Variants in TMEM200A observed in about 807,000 individuals in gnomAD.
The protein encoded by TMEM200A is transmembrane protein 200A.
TMEM200A carries 12 observed loss-of-function variants against 24.3 expected under a neutral mutation model. That is an observed-to-expected ratio of 0.49 (90% confidence interval 0.32 to 0.80). The LOEUF (loss-of-function observed/expected upper bound fraction) is 0.80. Among genes scored for constraint, TMEM200A ranks in the 30% least tolerant of loss-of-function variants. The pLI is 0.04. For synonymous variants in TMEM200A, 224 were observed against 224.4 expected (o/e 1.00, Z 0.02); for missense variants, 545 against 614.4 (o/e 0.89, Z 1.19).
chr6:130,369,090 G>A (rs1265656822), intron 1 of TMEM200A, among the ~76,000 whole-genome samples: 1 of 152,192 alleles, frequency 6.6e-6, no homozygotes, highest in Non-Finnish European at 1.5e-5. Flanking sequence ...AAATGGCAAA[G>A]AGAAGTAAAA....
rs1459049217 is a variant in TMEM200A at position 130,427,308 on chromosome 6, TCTAA to T, written c.-16-13095_-16-13092del. 5.3e-5 allele frequency among the ~76,000 whole-genome samples: 8 copies of T among 152,328 alleles called. No homozygotes were observed. The East Asian group carries it at 9.6e-4, about 18-fold the overall frequency. The stretch of plus-strand genomic sequence containing the variant: ...TCTGTATGTTTGCCATGAACAGAAT[TCTAA>T]CTATTTCTGCTCTAGAAACTCAGAA... On this transcript the variant is annotated intron_variant, in intron 2 of 2. Coordinates refer to ENST00000296978, the MANE Select transcript of TMEM200A (RefSeq NM_001258277.2).
At chr6:130,385,677 T>C (rs1778695188) in intron 2 of TMEM200A, among the ~76,000 whole-genome samples, 1 of 152,194 alleles carries the variant, frequency 6.6e-6, no homozygotes, top group Non-Finnish European at 1.5e-5. Flanking sequence ...ACATTTGTTC[T>C]GCTTGGAATA....
chr6:130,367,642 G>T (rs959363538), intron 1 of TMEM200A, among the ~76,000 whole-genome samples: 1 of 152,106 alleles, frequency 6.6e-6, no homozygotes, highest in Non-Finnish European at 1.5e-5. Flanking sequence ...TTTTCCCACT[G>T]TTTACCTACA....
At chr6:130,395,436 T>A (rs1778930271) in intron 2 of TMEM200A, among the ~76,000 whole-genome samples, 1 of 152,176 alleles carries the variant, frequency 6.6e-6, no homozygotes, top group South Asian at 2.1e-4. Context: ...AGCAGATTTG[T>A]GAAGTCATGC....
At chr6:130,376,935 A>G (rs1045126273) in intron 1 of TMEM200A, among the ~76,000 whole-genome samples, 2 of 152,224 alleles carry the variant, frequency 1.3e-5, no homozygotes, top group Non-Finnish European at 2.9e-5. Context: ...CTTTTCATGC[A>G]TAATTGAATA....
chr6:130,395,653 G>T (rs891983375), intron 2 of TMEM200A, among the ~76,000 whole-genome samples: 2 of 152,154 alleles, frequency 1.3e-5, no homozygotes, highest in Non-Finnish European at 2.9e-5. Flanking sequence ...CGAAATTTCT[G>T]TTCATAACAA....
intron 2 of TMEM200A, among the ~76,000 whole-genome samples, chr6:130,423,628 T>G (rs1779655823): frequency 6.6e-6 from 1 of 152,158 alleles, no homozygotes; most frequent in Non-Finnish European, 1.5e-5. Flanking sequence ...TAAACCTGCT[T>G]AGGTTTAAAA....
chr6:130,432,731 T>G, intron 2 of TMEM200A, among the ~76,000 whole-genome samples: 1 of 152,216 alleles, frequency 6.6e-6, no homozygotes, highest in Non-Finnish European at 1.5e-5. Context: ...AAATTCCTTG[T>G]AGTCAGACCC....
rs971487879 is a variant in TMEM200A, at chr6:130,381,829, A to G, written c.-80-3344A>G. ...TATTTGGTTTTTACCCTTTAGTTCC[A>G]CAGGTTATCTAGTAGAATTTGAGAA... On this transcript the variant is annotated intron_variant, in intron 1 of 2. Coordinates refer to ENST00000296978, the MANE Select transcript of TMEM200A (RefSeq NM_001258277.2). 11 of 816,618 alleles carry G rather than the reference A, an allele frequency of 1.3e-5. No homozygotes were observed. The Admixed American group carries it at 1.9e-4, about 14-fold the overall frequency. The allele number at this position is 816,618 out of a possible 1,614,324, so 50.6% of individuals were successfully genotyped here. A position where few individuals can be genotyped will look rare whatever the true frequency, so the allele number is the denominator to read the frequency against.
chr6:130,379,002 A>G (rs973022722), intron 1 of TMEM200A, among the ~76,000 whole-genome samples: 1 of 152,190 alleles, frequency 6.6e-6, no homozygotes, highest in Non-Finnish European at 1.5e-5. Context: ...GGTTGAACTC[A>G]TTCTTTTTAT....
intron 2 of TMEM200A, among the ~76,000 whole-genome samples, chr6:130,393,254 T>C (rs1778878148): frequency 6.6e-6 from 1 of 152,198 alleles, no homozygotes; most frequent in Admixed American, 6.5e-5. Context: ...GGGTATTAAG[T>C]CATGCTGTCT....
intron 2 of TMEM200A, among the ~76,000 whole-genome samples, chr6:130,425,915 A>T (rs1779723759): frequency 6.6e-6 from 1 of 152,198 alleles, no homozygotes; most frequent in Admixed American, 6.5e-5. Context: ...TATGGATCTG[A>T]TACCATTGAG....
At chr6:130,378,033 A>C (rs1778503102) in intron 1 of TMEM200A, among the ~76,000 whole-genome samples, 1 of 152,012 alleles carries the variant, frequency 6.6e-6, no homozygotes, top group African/African-American at 2.4e-5. Context: ...GGCCATAAGG[A>C]GTCAGTGTGT....
chr6:130,391,731 C>CTTTTTT (rs773093362), intron 2 of TMEM200A, among the ~76,000 whole-genome samples: 4 of 81,886 alleles, frequency 4.9e-5, no homozygotes, highest in Non-Finnish European at 8.9e-5. Context: ...TTCAAGATTC[C>CTTTTTT]TTTTTTTTTT....
intron 1 of TMEM200A, chr6:130,382,017 C>T (rs964963630): frequency 1.7e-5 from 16 of 954,900 alleles, no homozygotes; most frequent in Non-Finnish European, 2.5e-6. Context: ...ATATTGTGAA[C>T]CTTTTATGAT....
intron 2 of TMEM200A, among the ~76,000 whole-genome samples, chr6:130,402,548 T>G (rs1779114099): frequency 6.6e-6 from 1 of 152,090 alleles, no homozygotes; most frequent in African/African-American, 2.4e-5. Flanking sequence ...ATTCCTGTCT[T>G]TCTATACCTT....
At chr6:130,431,382 A>G (rs541814735) in intron 2 of TMEM200A, among the ~76,000 whole-genome samples, 13 of 152,192 alleles carry the variant, frequency 8.5e-5, no homozygotes, top group Non-Finnish European at 1.8e-4. Flanking sequence ...TTCTTCATCC[A>G]GGAATATCTT....
upstream of TMEM200A, chr6:130,365,637 C>T: frequency 1.0e-6 from 1 of 985,454 alleles, no homozygotes; most frequent in Non-Finnish European, 1.2e-6. Context: ...CCGGTGGTCC[C>T]GCGGTAGCTA....
chr6:130,365,926 C>A (rs965657173), upstream of TMEM200A: 4 of 985,478 alleles, frequency 4.1e-6, no homozygotes, highest in South Asian at 1.4e-4. Context: ...GGGTCGCAGG[C>A]GCGCAGCCAC....
Sources: allele counts gnomAD v4.1 joint callset (sites outside exome capture counted in the v4.1 genomes callset), GRCh38; gene constraint gnomAD v4.1.1; transcripts MANE v1.5; gene names NCBI Gene and HGNC (gene_info 2026-07-23, HGNC 2026-07-21).